MTMR14: variants seen among roughly 807,000 people sequenced by gnomAD.
The protein encoded by MTMR14 is myotubularin related protein 14, also known as phosphatidylinositol-3,5-bisphosphate 3-phosphatase MTMR14.
In MTMR14, 48 loss-of-function variants were observed where a neutral mutation model predicts 86.3. The ratio of observed to expected loss-of-function variants is 0.56; its 90% CI spans 0.44 to 0.71. The LOEUF (loss-of-function observed/expected upper bound fraction) is 0.71, where lower values mean the gene tolerates loss of function less well. MTMR14 is among the 30% of genes least tolerant of loss of function. The pLI is 0.00. For synonymous variants in MTMR14, 366 were observed against 326.1 expected, an observed-to-expected ratio of 1.12 and a Z score of -1.32; for missense variants, 780 against 834.6, an observed-to-expected ratio of 0.93 and a Z score of 0.81.
intron 17 of MTMR14, among the ~76,000 whole-genome samples, chr3:9,694,469 T>C (rs1559617609): frequency 6.6e-6 from 1 of 152,138 alleles, no homozygotes; most frequent in African/African-American, 2.4e-5. Context: ...TAGTGAGACC[T>C]TGCCAATACA....
At chr3:9,652,378 C>T (rs972682413) in intron 1 of MTMR14, among the ~76,000 whole-genome samples, 3 of 152,188 alleles carry the variant, frequency 2.0e-5, no homozygotes, top group Admixed American at 1.3e-4. Context: ...TCTATTTCAC[C>T]AGCAAGTTGT....
chr3:9,659,894 C>T (rs968181219), intron 2 of MTMR14: 1 of 453,252 alleles, frequency 2.2e-6, no homozygotes, highest in Non-Finnish European at 4.5e-6. Context: ...TTGTTTTTAA[C>T]AGAAGTTTAG....
intron 2 of MTMR14, among the ~76,000 whole-genome samples, chr3:9,658,620 G>A (rs181394811): frequency 1.3e-5 from 2 of 152,360 alleles, no homozygotes; most frequent in African/African-American, 4.8e-5. Flanking sequence ...TAGAATCTCA[G>A]CTACCCTGTT....
chr3:9,681,760 G>A (rs80078675), intron 9 of MTMR14, among the ~76,000 whole-genome samples: 1 of 152,152 alleles, frequency 6.6e-6, no homozygotes, highest in East Asian at 1.9e-4. Context: ...TTCTTACTCT[G>A]GTGTTATAGG....
At chr3:9,659,591 G>C (rs898452128) in intron 2 of MTMR14, 2 of 399,562 alleles carry the variant, frequency 5.0e-6, no homozygotes, top group Non-Finnish European at 1.0e-5. Context: ...TTAGAGGCGC[G>C]TGCTGCCACG....
intron 3 of MTMR14, among the ~76,000 whole-genome samples, chr3:9,665,730 ATTTTTT>A (rs759820447): frequency 3.6e-5 from 5 of 139,524 alleles, no homozygotes; most frequent in African/African-American, 1.3e-4. Context: ...TTTCATTTTA[ATTTTTT>A]TTTTTTTTTT....
In MTMR14 at chr3:9,697,867, G is replaced by C. The variant is rs903568597; in HGVS notation, c.1769+1G>C. 2.5e-6 allele frequency: 4 copies of C among 1,614,016 alleles called. No homozygotes were observed. The highest frequency in any genetic ancestry group is 3.4e-6 in the Non-Finnish European group (4 of 1,180,038). On this transcript the variant is annotated splice_donor_variant, in intron 18 of 18. Transcript: ENST00000296003. LOFTEE classifies it high-confidence loss of function. ...CGGATGAGCTCCCTAACAGTTGTCT[G>C]TAAGTGTCTTGCTTGAGAAGGCAGG...
At chr3:9,657,173 T>C (rs2047656484) in intron 2 of MTMR14, among the ~76,000 whole-genome samples, 1 of 151,892 alleles carries the variant, frequency 6.6e-6, no homozygotes, top group African/African-American at 2.4e-5. Context: ...CCTTTCAAAG[T>C]GTTGGGATTA....
chr3:9,679,387 GC>G (rs1026917519), intron 9 of MTMR14, among the ~76,000 whole-genome samples: 2 of 152,162 alleles, frequency 1.3e-5, no homozygotes, highest in Admixed American at 6.5e-5. Context: ...TTCTTTATGT[GC>G]TGCATGCAGA....
chr3:9,672,650 G>C, intron 6 of MTMR14, 35 bp from the exon 7 acceptor site: 3 of 1,553,820 alleles, frequency 1.9e-6, no homozygotes, highest in Non-Finnish European at 2.7e-6. Context: ...TGTGTGTGTT[G>C]CGACACTGTA....
chr3:9,700,556 G>A (rs1478005143), intron 18 of MTMR14: 2 of 152,242 alleles, frequency 1.3e-5, no homozygotes, highest in African/African-American at 4.8e-5. Context: ...GGAAAGAAGA[G>A]GGGCTTTCAT....
intron 18 of MTMR14, among the ~76,000 whole-genome samples, chr3:9,698,849 T>A (rs932808875): frequency 2.0e-5 from 3 of 151,352 alleles, no homozygotes; most frequent in Non-Finnish European, 4.4e-5. Flanking sequence ...AGAAACAAGA[T>A]CTTAGATGTT....
At chr3:9,683,080 AGTT>A in intron 9 of MTMR14, 95 bp from the exon 10 acceptor site, 1 of 1,078,690 alleles carries the variant, frequency 9.3e-7, no homozygotes, top group South Asian at 1.4e-5. Flanking sequence ...GACCTTGTGT[AGTT>A]GTTGCCCCAG....
At chr3:9,667,582 A>G (rs2048325065) in intron 3 of MTMR14, among the ~76,000 whole-genome samples, 1 of 152,104 alleles carries the variant, frequency 6.6e-6, no homozygotes, top group African/African-American at 2.4e-5. Flanking sequence ...CTTCCTCAGT[A>G]GGCTTCCAGG....
chr3:9,663,411 T>C (rs1427049771), intron 3 of MTMR14, among the ~76,000 whole-genome samples: 3 of 151,680 alleles, frequency 2.0e-5, no homozygotes, highest in Non-Finnish European at 2.9e-5. Flanking sequence ...GTCCTAGAAA[T>C]TGATCTTCTT....
At chr3:9,699,093 A>C (rs1388270052) in intron 18 of MTMR14, among the ~76,000 whole-genome samples, 1 of 151,128 alleles carries the variant, frequency 6.6e-6, no homozygotes, top group African/African-American at 2.4e-5. Context: ...AATCGTTTGA[A>C]CCTGGGAAGC....
rs775493811 is a variant in MTMR14 at position 9,649,660 on chromosome 3, A to C, written c.77A>C (p.Glu26Ala). 1.2e-5 allele frequency: 19 copies of C among 1,598,708 alleles called. No homozygotes were observed. The highest frequency in any genetic ancestry group is 1.6e-5 in the Non-Finnish European group (19 of 1,173,182). ...TCTTCAGGCAACCAGCCGCCTCAGG[A>C]GCTGGGGCTTGGGGAGCTGCTGGAG... ...SASSGNQPPQ[E>A]LGLGELLEEF... is the part of the protein sequence containing the mutation. Residue 26 changes from glutamate (E) to alanine (A), a missense_variant, in exon 1 of 19, where the codon GAG becomes GCG. Coordinates refer to ENST00000296003, the MANE Select transcript of MTMR14 (RefSeq NM_001077525.3).
chr3:9,701,026 CCAAGCTAGTCTCGAA>C lies in MTMR14; in HGVS notation c.1770-762_1770-748del, dbSNP rs1009918080. 4.6e-5 allele frequency: 7 copies of C among 152,336 alleles called. No individual in the cohort carries two copies. Among genetic ancestry groups the C allele is most frequent in the Admixed American group, 4.6e-4 (7 of 15,310 alleles). 9.4% of individuals were successfully genotyped at this position (152,336 alleles called of 1,614,324 possible). On this transcript the variant is annotated intron_variant, in intron 18 of 18. Transcript: ENST00000296003. This position sits in a 1 kb window ranked among gnomAD's most constrained non-coding sequence, Gnocchi z 4.2. ...TAGAGACAGGGTTTTGCCATGTTGG[CCAAGCTAGTCTCGAA>C]CTCCTGACCTGCCTCGGCCTCCCAA...
intron 1 of MTMR14, 53 bp from the exon 2 acceptor site, chr3:9,653,568 C>T (rs2047431459): frequency 1.9e-6 from 3 of 1,612,456 alleles, no homozygotes; most frequent in South Asian, 2.2e-5. Flanking sequence ...TCCTAATTCT[C>T]ACCCTCAGAA....
Sources: gnomAD v4.1 joint callset for allele counts (sites outside exome capture counted in the v4.1 genomes callset) on GRCh38, gnomAD v4.1.1 for gene constraint, Gnocchi (gnomAD v3.1) non-coding constraint, MANE v1.5 for transcripts, NCBI Gene and HGNC (gene_info 2026-07-23, HGNC 2026-07-21) for gene names.